SUPT3H: variants seen among roughly 807,000 people sequenced by gnomAD.
SUPT3H encodes the protein transcription initiation protein SPT3 homolog.
A neutral mutation model predicts 44.3 loss-of-function variants in SUPT3H; 44 were observed. The observed-to-expected ratio is 0.99, with a 90% CI of 0.78 to 1.28. The LOEUF (loss-of-function observed/expected upper bound fraction) is 1.28, where lower values mean the gene tolerates loss of function less well. SUPT3H is among the 50% of genes most tolerant of loss of function. The pLI is 0.00. For missense variants in SUPT3H, 380 were observed against 387.1 expected (o/e 0.98, Z 0.15); for synonymous variants, 124 against 125.6 (o/e 0.99, Z 0.09).
chr6:45,138,138 A>G (rs1230729176), intron 2 of SUPT3H, among the ~76,000 whole-genome samples: 5 of 152,176 alleles, frequency 3.3e-5, no homozygotes, highest in Non-Finnish European at 7.4e-5. Context: ...GAACATGCAA[A>G]TCAAACACAC....
chr6:45,128,585 TAC>T (rs1346769411), intron 2 of SUPT3H, among the ~76,000 whole-genome samples: 14 of 95,466 alleles, frequency 1.5e-4, no homozygotes, highest in South Asian at 3.5e-4. Flanking sequence ...CACACACACA[TAC>T]ACATATATAT....
intron 10 of SUPT3H, among the ~76,000 whole-genome samples, chr6:44,921,059 ATTTATTCACCTCCTT>A (rs1562049214): frequency 3.3e-5 from 5 of 152,156 alleles, no homozygotes; most frequent in African/African-American, 1.2e-4. Flanking sequence ...GGCACTGCTT[ATTTATTCACCTCCTT>A]TGCTATATTT....
intron 10 of SUPT3H, among the ~76,000 whole-genome samples, chr6:44,867,102 T>C (rs1056276216): frequency 6.6e-6 from 1 of 151,968 alleles, no homozygotes; most frequent in Non-Finnish European, 1.5e-5. Context: ...GGGCCACGAA[T>C]AATTAAATCT....
At chr6:45,252,548 T>C (rs1317767619) in intron 2 of SUPT3H, among the ~76,000 whole-genome samples, 3 of 151,936 alleles carry the variant, frequency 2.0e-5, no homozygotes, top group East Asian at 3.9e-4. Context: ...TTCTGTCCAA[T>C]AGAATTTCAC....
intron 2 of SUPT3H, among the ~76,000 whole-genome samples, chr6:45,331,678 A>G (rs962417151): frequency 2.6e-5 from 4 of 151,970 alleles, no homozygotes; most frequent in Admixed American, 2.0e-4. Flanking sequence ...AATGTTTTGA[A>G]ATCTAAAACA....
rs554684930 is a variant in SUPT3H, at chr6:44,880,175, C to T, written c.913-50318G>A. Among the ~76,000 whole-genome samples the T allele has an allele frequency of 9.9e-5, 15 of 151,378 alleles. No homozygotes were observed. The East Asian group carries it at 1.7e-3, about 18-fold the overall frequency. On this transcript the variant is annotated intron_variant, in intron 10 of 10. Coordinates refer to ENST00000371459, the MANE Select transcript of SUPT3H (RefSeq NM_003599.4). The stretch of plus-strand genomic sequence containing the variant: ...AACCCAAAGCAAGAAAGCTGAGAAC[C>T]CTGAAAAAAGGTTAGAGGAATTGCT...
rs377585887 is a variant in SUPT3H, at chr6:45,038,896, A to G, written c.187-18264T>C. On this transcript the variant is annotated intron_variant, in intron 3 of 10. Coordinates refer to ENST00000371459, the MANE Select transcript of SUPT3H (RefSeq NM_003599.4). ...TATATTGCATGGCACTGATTTTTAA[A>G]TAACTGAATAGTTATTAAAATCTTG... 3.0e-4 allele frequency among the ~76,000 whole-genome samples: 45 copies of G among 152,318 alleles called. 1 individual carries two copies. Among genetic ancestry groups the G allele is most frequent in the East Asian group, 1.3e-3 (7 of 5,186 alleles).
chr6:45,281,802 C>T (rs552886195), intron 2 of SUPT3H, among the ~76,000 whole-genome samples: 3 of 152,176 alleles, frequency 2.0e-5, no homozygotes, highest in Non-Finnish European at 4.4e-5. Context: ...CAAGTGGGTC[C>T]CTGATACCCG....
At chr6:44,840,476 A>C (rs1770764048) in intron 10 of SUPT3H, among the ~76,000 whole-genome samples, 1 of 152,224 alleles carries the variant, frequency 6.6e-6, no homozygotes, top group Non-Finnish European at 1.5e-5. Flanking sequence ...GGGAGAAAAA[A>C]GCAAAAGAAA....
chr6:45,034,690 C>T (rs908814214), intron 3 of SUPT3H, among the ~76,000 whole-genome samples: 16 of 152,094 alleles, frequency 1.1e-4, no homozygotes, highest in African/African-American at 3.9e-4. Flanking sequence ...CATAAATTAG[C>T]ATTTGTTGAA....
intron 3 of SUPT3H, among the ~76,000 whole-genome samples, chr6:45,028,246 G>A (rs1390408588): frequency 6.6e-6 from 1 of 152,102 alleles, no homozygotes; most frequent in Non-Finnish European, 1.5e-5. Flanking sequence ...ATACTATTTT[G>A]CCAGAATGGC....
intron 2 of SUPT3H, among the ~76,000 whole-genome samples, chr6:45,320,498 C>T (rs1284430520): frequency 2.0e-5 from 3 of 150,768 alleles, no homozygotes; most frequent in Non-Finnish European, 4.4e-5. Context: ...AGGCTGGTCT[C>T]GAACTCCTGG....
rs1803054215 is a variant in SUPT3H at position 45,129,406 on chromosome 6, AAGTCCTCG to A, written c.102-23408_102-23401del. ...TATAGGATATTGAAGATCTGGAATC[AAGTCCTCG>A]CACAACAAATTTCTAGTTATGTGGT... On this transcript the variant is annotated intron_variant, in intron 2 of 10. Coordinates refer to ENST00000371459, the MANE Select transcript of SUPT3H (RefSeq NM_003599.4). 2.6e-5 allele frequency among the ~76,000 whole-genome samples: 4 copies of A among 152,350 alleles called. 1 individual carries two copies. In the South Asian group the frequency reaches 8.3e-4, roughly 32 times the overall value.
intron 3 of SUPT3H, among the ~76,000 whole-genome samples, chr6:45,053,177 G>A (rs563682587): frequency 6.6e-6 from 1 of 151,578 alleles, no homozygotes; most frequent in Admixed American, 6.6e-5. Flanking sequence ...TGGGACTATA[G>A]GCATGTGCCA....
chr6:45,211,632 CA>C (rs1764096402), intron 2 of SUPT3H, among the ~76,000 whole-genome samples: 1 of 151,958 alleles, frequency 6.6e-6, no homozygotes, highest in African/African-American at 2.4e-5. Flanking sequence ...AGACAGATCA[CA>C]AGGTAAAGAG....
intron 2 of SUPT3H, among the ~76,000 whole-genome samples, chr6:45,288,256 G>T (rs1584724229): frequency 6.6e-6 from 1 of 151,902 alleles, no homozygotes; most frequent in Admixed American, 6.6e-5. Context: ...AAAAAGGGCT[G>T]AAACTAATGT....
At chr6:45,292,887 G>A (rs1406147747) in intron 2 of SUPT3H, among the ~76,000 whole-genome samples, 1 of 150,854 alleles carries the variant, frequency 6.6e-6, no homozygotes, top group African/African-American at 2.4e-5. Flanking sequence ...CAATAATAGT[G>A]GGGGACTTCA....
At chr6:45,299,408 A>G (rs942417612) in intron 2 of SUPT3H, among the ~76,000 whole-genome samples, 2 of 152,154 alleles carry the variant, frequency 1.3e-5, no homozygotes, top group Non-Finnish European at 2.9e-5. Flanking sequence ...AAGCAGTAAT[A>G]TAAGATATGT....
At chr6:44,864,666 T>G (rs1401840864) in intron 10 of SUPT3H, among the ~76,000 whole-genome samples, 2 of 152,224 alleles carry the variant, frequency 1.3e-5, no homozygotes, top group African/African-American at 4.8e-5. Context: ...GTTGGCCCCT[T>G]TCAGCCATGG....
Sources: gnomAD v4.1 joint callset for allele counts (sites outside exome capture counted in the v4.1 genomes callset) on GRCh38, gnomAD v4.1.1 for gene constraint, MANE v1.5 for transcripts, NCBI Gene and HGNC (gene_info 2026-07-23, HGNC 2026-07-21) for gene names.